DOCK9: variants seen among roughly 807,000 people sequenced by gnomAD.
DOCK9 encodes dedicator of cytokinesis protein 9.
Under a neutral mutation model 263.3 loss-of-function variants are expected in DOCK9, and 89 were observed. That is an observed-to-expected ratio of 0.34 (90% CI 0.28 to 0.40). The LOEUF (loss-of-function observed/expected upper bound fraction) is 0.40. Among genes scored for constraint, DOCK9 ranks in the 10% least tolerant of loss-of-function variants. The probability of loss-of-function intolerance (pLI) is 1.00; values close to 1 mark genes in which losing one functional copy is unlikely to be tolerated. For synonymous variants in DOCK9, 976 were observed against 973.1 expected (o/e 1.00, Z -0.06); for missense variants, 2,140 against 2,603.4 (o/e 0.82, Z 3.87).
intron 1 of DOCK9, among the ~76,000 whole-genome samples, chr13:99,057,084 C>A (rs1350526665): frequency 6.6e-6 from 1 of 152,192 alleles, no homozygotes; most frequent in African/African-American, 2.4e-5. Flanking sequence ...CCCAAAAACT[C>A]TAGAGAGCAG....
Position 99,083,776 on chromosome 13 carries a change from C to T in DOCK9, c.129+2447G>A, listed in dbSNP as rs574510227. The stretch of plus-strand genomic sequence containing the variant: ...ACATTTTAAAGCTTGTTTTTAATGG[C>T]AGCCTTTATCATCCACTGAACTATT... On this transcript the variant is annotated intron_variant, in intron 1 of 32. Coordinates refer to the DOCK9 transcript ENST00000427887. 2.6e-5 allele frequency among the ~76,000 whole-genome samples: 4 copies of T among 151,714 alleles called. No homozygotes were observed. The East Asian group carries it at 5.8e-4, about 22-fold the overall frequency.
intron 47 of DOCK9, chr13:98,808,673 T>C: frequency 6.3e-7 from 1 of 1,588,166 alleles, no homozygotes. Flanking sequence ...TAAACTGGTA[T>C]TGCTATAAAG....
intron 1 of DOCK9, among the ~76,000 whole-genome samples, chr13:98,986,903 A>C (rs772967645): frequency 2.0e-5 from 3 of 152,218 alleles, no homozygotes; most frequent in Non-Finnish European, 4.4e-5. Flanking sequence ...TGGAGATATA[A>C]ACATGGCAGG....
intron 1 of DOCK9, among the ~76,000 whole-genome samples, chr13:98,987,048 G>A (rs953068477): frequency 6.6e-6 from 1 of 151,998 alleles, no homozygotes; most frequent in African/African-American, 2.4e-5. Context: ...GGTCACTGCA[G>A]CACCATCACC....
chr13:98,920,990 T>A lies in DOCK9; in HGVS notation c.681A>T (p.Gly227=). Residue 227 remains glycine (G), a synonymous_variant, in exon 7 of 53, where the codon GGA becomes GGT. Coordinates refer to ENST00000682017, the MANE Select transcript of DOCK9 (RefSeq NM_001366683.2). ...CCATACAGGAATCCAGAAATATTGA[T>A]CCTTTTGGTTCTTTGGAGATCTTTT... is the stretch of plus-strand genomic sequence containing the variant. ...KDEKISKEPK[G]SIFLDSCMGV... 1 of 1,607,840 alleles carries A rather than the reference T, an allele frequency of 6.2e-7. No homozygotes were observed. Among genetic ancestry groups the A allele is most frequent in the Non-Finnish European group, 8.5e-7 (1 of 1,176,756 alleles).
Position 98,920,762 on chromosome 13 carries a change from A to C in DOCK9, c.717+192T>G, listed in dbSNP as rs563400177. ...AGAGTGCTCCTGCCTGCCACAGCAT[A>C]ATTCTGCCTCTACATTATCCCTTCC... is the stretch of plus-strand genomic sequence containing the variant. On this transcript the variant is annotated intron_variant, in intron 7 of 52. Coordinates refer to ENST00000682017, the MANE Select transcript of DOCK9 (RefSeq NM_001366683.2). Among the ~76,000 whole-genome samples the C allele has an allele frequency of 5.9e-5, 9 of 152,362 alleles. No homozygotes were observed. In the East Asian group the frequency reaches 1.7e-3, roughly 29 times the overall value.
intron 35 of DOCK9, among the ~76,000 whole-genome samples, chr13:98,850,390 C>G (rs1266929777): frequency 2.4e-4 from 37 of 152,176 alleles, no homozygotes; most frequent in Admixed American, 2.4e-3. Flanking sequence ...TTAACTTATT[C>G]GTAACATGCT....
intron 21 of DOCK9, among the ~76,000 whole-genome samples, chr13:98,884,179 AT>A (rs1408490196): frequency 2.6e-5 from 4 of 152,234 alleles, no homozygotes; most frequent in Non-Finnish European, 5.9e-5. Flanking sequence ...AAAGAATCCT[AT>A]TACACCAGCA....
chr13:99,031,530 C>T (rs1283351823), intron 1 of DOCK9, among the ~76,000 whole-genome samples: 1 of 152,190 alleles, frequency 6.6e-6, no homozygotes, highest in Non-Finnish European at 1.5e-5. Flanking sequence ...ACTTACAGTT[C>T]TTTATGTAGT....
intron 1 of DOCK9, among the ~76,000 whole-genome samples, chr13:98,973,096 C>G (rs2141390832): frequency 6.6e-6 from 1 of 152,274 alleles, no homozygotes; most frequent in East Asian, 1.9e-4. Flanking sequence ...CTTTCACCAT[C>G]CAATATTTTA....
rs1339875703 is a variant in DOCK9, at chr13:99,005,108, T to C, written c.130-49557A>G. Among the ~76,000 whole-genome samples, 3 of 151,496 alleles carry C rather than the reference T, an allele frequency of 2.0e-5. No individual in the cohort carries two copies. In the East Asian group the frequency reaches 5.8e-4, roughly 29 times the overall value. Reference sequence around the variant, plus strand: ...AAGAGTAGATTCAAATCAAGGTTACTTGAGGATGCAGCTGCCACGCTGGAA... The same window carrying C: ...AAGAGTAGATTCAAATCAAGGTTACCTGAGGATGCAGCTGCCACGCTGGAA... On this transcript the variant is annotated intron_variant, in intron 1 of 32. Transcript: ENST00000427887.
upstream of DOCK9, among the ~76,000 whole-genome samples, chr13:98,981,590 T>G (rs1001905314): frequency 2.6e-5 from 4 of 152,180 alleles, no homozygotes; most frequent in Admixed American, 1.3e-4. Flanking sequence ...GCCCACCTTA[T>G]GAAAGAAGCA....
At chr13:98,931,659 A>G (rs1398387010) in intron 2 of DOCK9, among the ~76,000 whole-genome samples, 4 of 151,750 alleles carry the variant, frequency 2.6e-5, no homozygotes, top group Non-Finnish European at 5.9e-5. Context: ...GTGCAGTGGC[A>G]TGATCTCGGC....
At chr13:99,072,000 T>A (rs1182520483) in intron 1 of DOCK9, among the ~76,000 whole-genome samples, 1 of 152,214 alleles carries the variant, frequency 6.6e-6, no homozygotes, top group Non-Finnish European at 1.5e-5. Context: ...GCGCTTGAAT[T>A]TCTCCAAGGT....
At chr13:98,907,510 A>G (rs992735422) in intron 9 of DOCK9, among the ~76,000 whole-genome samples, 4 of 152,248 alleles carry the variant, frequency 2.6e-5, no homozygotes, top group African/African-American at 9.6e-5. Context: ...ACAATTAACT[A>G]CTAGCCAAAA....
chr13:98,976,621 G>A (rs968749034), intron 1 of DOCK9, among the ~76,000 whole-genome samples: 2 of 152,210 alleles, frequency 1.3e-5, no homozygotes, highest in African/African-American at 4.8e-5. Flanking sequence ...TATATTGGCA[G>A]CAAGGAATCC....
At position 98,895,260 on chromosome 13, in the gene DOCK9, A is replaced by C. The variant is rs114888469; in HGVS notation, c.1709+2228T>G. 3.9e-3 allele frequency among the ~76,000 whole-genome samples: 593 copies of C among 152,244 alleles called. 4 individuals are homozygous for C. Among genetic ancestry groups the C allele is most frequent in the African/African-American group, 0.014 (567 of 41,520 alleles). On this transcript the variant is annotated intron_variant, in intron 15 of 52. Coordinates refer to ENST00000682017, the MANE Select transcript of DOCK9 (RefSeq NM_001366683.2). ...ATGATGTCTATAAAAATGTATATAT[A>C]ACACTTTCAGAAAATACTTGAGTTG... is the stretch of plus-strand genomic sequence containing the variant.
intron 1 of DOCK9, among the ~76,000 whole-genome samples, chr13:98,960,943 T>C (rs12584134): frequency 0.51 from 77,092 of 152,024 alleles, 19,820 homozygotes; most frequent in East Asian, 0.75. Context: ...CCCCTGAAAA[T>C]TGTATACATT....
chr13:99,070,905 G>A (rs1477100861), intron 1 of DOCK9, among the ~76,000 whole-genome samples: 1 of 152,186 alleles, frequency 6.6e-6, no homozygotes, highest in African/African-American at 2.4e-5. Context: ...TTTAGAATCT[G>A]TAAGATCATA....
Sources: allele counts gnomAD v4.1 joint callset (sites outside exome capture counted in the v4.1 genomes callset), GRCh38; gene constraint gnomAD v4.1.1; transcripts MANE v1.5; gene names NCBI Gene and HGNC (gene_info 2026-07-23, HGNC 2026-07-21).